The following TMEM117 variants were observed in gnomAD, a reference collection of about 807,000 sequenced individuals.
The protein encoded by TMEM117 is transmembrane protein 117.
A neutral mutation model predicts 52.4 loss-of-function variants in TMEM117; 27 were observed. The ratio of observed to expected loss-of-function variants is 0.51; its 90% CI spans 0.38 to 0.71. The LOEUF is 0.71. Ranked by LOEUF, TMEM117 falls within the 30% of genes least tolerant of loss-of-function variation. TMEM117 has a pLI of 0.00. For missense variants in TMEM117, 556 were observed against 630.5 expected (o/e 0.88, Z 1.26); for synonymous variants, 215 against 206.3 (o/e 1.04, Z -0.36).
intron 2 of TMEM117, among the ~76,000 whole-genome samples, chr12:43,907,207 A>C (rs867582731): frequency 2.0e-5 from 3 of 152,158 alleles, no homozygotes; most frequent in Non-Finnish European, 4.4e-5. Context: ...TGAGCAGCCT[A>C]ACTGGGAGGC....
chr12:43,813,076 C>T, the TMEM117 span, among the ~76,000 whole-genome samples: 1 of 151,562 alleles, frequency 6.6e-6, no homozygotes, highest in Non-Finnish European at 1.5e-5. Flanking sequence ...ATTAGATTTT[C>T]CCTTCAGGCT....
chr12:43,848,794 G>A (rs1485418917), intron 2 of TMEM117, among the ~76,000 whole-genome samples: 4 of 152,192 alleles, frequency 2.6e-5, no homozygotes. Flanking sequence ...ACTGATAAAT[G>A]TCCATATTAA....
intron 3 of TMEM117, among the ~76,000 whole-genome samples, chr12:44,077,412 T>G (rs1340876629): frequency 2.0e-5 from 3 of 152,240 alleles, no homozygotes; most frequent in East Asian, 1.9e-4. Flanking sequence ...CTCTTTTTTT[T>G]GTTACTTTGG....
chr12:43,968,443 C>T (rs1384626332), intron 3 of TMEM117, among the ~76,000 whole-genome samples: 2 of 152,192 alleles, frequency 1.3e-5, no homozygotes, highest in African/African-American at 4.8e-5. Context: ...CAAAGGAGTT[C>T]ATCAAATTTC....
At chr12:44,264,976 A>G (rs564205665) in intron 5 of TMEM117, among the ~76,000 whole-genome samples, 51 of 152,348 alleles carry the variant, frequency 3.3e-4, no homozygotes, top group Admixed American at 1.2e-3. Flanking sequence ...ACCTAGCAGT[A>G]TAATTCCAAA....
chr12:43,806,248 C>G, the TMEM117 span: 4 of 1,526,242 alleles, frequency 2.6e-6, no homozygotes, highest in Admixed American at 2.0e-5. Flanking sequence ...TGGGACATGG[C>G]GGCGGCCGCT....
At chr12:44,243,271 A>C (rs1950086594) in intron 5 of TMEM117, among the ~76,000 whole-genome samples, 1 of 151,840 alleles carries the variant, frequency 6.6e-6, no homozygotes, top group African/African-American at 2.4e-5. Flanking sequence ...CTTTTCAATG[A>C]TAGCATTATC....
intron 3 of TMEM117, among the ~76,000 whole-genome samples, chr12:44,057,176 A>G (rs577445048): frequency 2.0e-5 from 3 of 152,318 alleles, no homozygotes; most frequent in African/African-American, 7.2e-5. Context: ...CTCCCTTTAG[A>G]AAAGGAAGCA....
intron 6 of TMEM117, among the ~76,000 whole-genome samples, chr12:44,356,046 C>T (rs981890497): frequency 1.3e-5 from 2 of 152,026 alleles, no homozygotes; most frequent in African/African-American, 4.8e-5. Flanking sequence ...GCAGATGCCA[C>T]ATGGTAAAAG....
intron 4 of TMEM117, among the ~76,000 whole-genome samples, chr12:44,150,536 C>A (rs1348239345): frequency 1.3e-5 from 2 of 152,046 alleles, no homozygotes; most frequent in Non-Finnish European, 2.9e-5. Context: ...TAATAATAAT[C>A]AGTTTGTTTG....
intron 3 of TMEM117, among the ~76,000 whole-genome samples, chr12:44,027,877 T>C (rs930183567): frequency 6.6e-6 from 1 of 152,230 alleles, no homozygotes; most frequent in Non-Finnish European, 1.5e-5. Context: ...TTAAGTTTTC[T>C]GTATTTGAAA....
At chr12:43,866,250 A>C (rs1360367458) in intron 2 of TMEM117, among the ~76,000 whole-genome samples, 1 of 151,766 alleles carries the variant, frequency 6.6e-6, no homozygotes. Flanking sequence ...AGATATCTTT[A>C]AAGTACTGTA....
intron 2 of TMEM117, among the ~76,000 whole-genome samples, chr12:43,896,439 T>G (rs1944203354): frequency 6.6e-6 from 1 of 152,242 alleles, no homozygotes; most frequent in Admixed American, 6.5e-5. Context: ...ATATGGCAGT[T>G]ACATTGTTCA....
intron 5 of TMEM117, among the ~76,000 whole-genome samples, chr12:44,299,221 C>CAG (rs1950806733): frequency 6.6e-6 from 1 of 151,258 alleles, no homozygotes; most frequent in Non-Finnish European, 1.5e-5. Flanking sequence ...AACTCCACCT[C>CAG]CCAGGTTCAA....
Position 44,305,606 on chromosome 12 carries a change from A to G in TMEM117, c.768+5867A>G, listed in dbSNP as rs368353480. The stretch of plus-strand genomic sequence containing the variant: ...AATGCAAATCAAAACTGAATGACAT[A>G]CCATCTCACAGCTGTCAGTCTGACC... On this transcript the variant is annotated intron_variant, in intron 6 of 7. Coordinates refer to ENST00000266534, the MANE Select transcript of TMEM117 (RefSeq NM_032256.3). 8.5e-5 allele frequency among the ~76,000 whole-genome samples: 13 copies of G among 152,328 alleles called. No individual in the cohort carries two copies. The East Asian group carries it at 2.5e-3, about 29-fold the overall frequency.
chr12:43,804,004 T>C, the TMEM117 span: 214 of 196,484 alleles, frequency 1.1e-3, 1 homozygote, highest in African/African-American at 4.5e-3. Context: ...AATCAATTTG[T>C]AGTTTGTTAT....
chr12:43,868,654 AACTG>A (rs1400753481), intron 2 of TMEM117, among the ~76,000 whole-genome samples: 2 of 152,132 alleles, frequency 1.3e-5, no homozygotes, highest in Non-Finnish European at 2.9e-5. Flanking sequence ...AAATATTTCT[AACTG>A]AATGATGAAG....
intron 3 of TMEM117, among the ~76,000 whole-genome samples, chr12:44,048,396 A>G (rs377386308): frequency 6.6e-6 from 1 of 151,586 alleles, no homozygotes; most frequent in Non-Finnish European, 1.5e-5. Flanking sequence ...CTTTATTTGC[A>G]TTTGTTTTAC....
At chr12:43,943,053 C>T (rs896820060) in intron 2 of TMEM117, among the ~76,000 whole-genome samples, 4 of 151,834 alleles carry the variant, frequency 2.6e-5, no homozygotes, top group African/African-American at 9.7e-5. Context: ...TGGCGCATGC[C>T]TGTAATCCCA....
Sources: gnomAD v4.1 joint callset for allele counts (sites outside exome capture counted in the v4.1 genomes callset) on GRCh38, gnomAD v4.1.1 for gene constraint, MANE v1.5 for transcripts, NCBI Gene and HGNC (gene_info 2026-07-23, HGNC 2026-07-21) for gene names.